MAP3K21: variants seen among roughly 807,000 people sequenced by gnomAD.
MAP3K21 encodes the protein mitogen-activated protein kinase kinase kinase 21.
A neutral mutation model predicts 86.1 loss-of-function variants in MAP3K21; 63 were observed. The ratio of observed to expected loss-of-function variants is 0.73; its 90% CI spans 0.60 to 0.90. The LOEUF (loss-of-function observed/expected upper bound fraction) is 0.90. MAP3K21 is among the 40% of genes least tolerant of loss of function. MAP3K21 has a pLI of 0.00. For synonymous variants in MAP3K21, 558 were observed against 564.8 expected, an observed-to-expected ratio of 0.99 and a Z score of 0.17; for missense variants, 1,220 against 1,367.7, an observed-to-expected ratio of 0.89 and a Z score of 1.70.
chr1:233,328,421 C>T lies in MAP3K21; in HGVS notation c.393C>T (p.Gly131=). The T allele has an allele frequency of 2.0e-6, 3 of 1,493,572 alleles. No individual in the cohort carries two copies. The highest frequency in any genetic ancestry group is 2.9e-5 in the African/African-American group (2 of 69,056). 92.5% of individuals were successfully genotyped at this position (1,493,572 alleles called of 1,614,324 possible). ...FERLELKELI[G]AGGFGQVYRA... Reference sequence around the variant, plus strand: ...GGCTGGAGCTGAAGGAGCTCATCGGCGCTGGGGGCTTCGGGCAGGTGTACC... The same window carrying T: ...GGCTGGAGCTGAAGGAGCTCATCGGTGCTGGGGGCTTCGGGCAGGTGTACC... Residue 131 remains glycine (G), a synonymous_variant, in exon 1 of 10, where the codon GGC becomes GGT. Transcript: ENST00000366624. This position sits in a 1 kb window ranked among gnomAD's most constrained non-coding sequence, Gnocchi z 8.7.
chr1:233,362,448 C>G (rs1255917991), intron 5 of MAP3K21, among the ~76,000 whole-genome samples, 155 bp downstream of exon 5: 5 of 152,066 alleles, frequency 3.3e-5, no homozygotes, highest in African/African-American at 9.7e-5. Flanking sequence ...ATTCATGGTT[C>G]TAATGTAATG....
At chr1:233,342,203 G>C (rs956278552) in intron 1 of MAP3K21, among the ~76,000 whole-genome samples, 2 of 152,304 alleles carry the variant, frequency 1.3e-5, no homozygotes, top group African/African-American at 4.8e-5. Flanking sequence ...GAGATTTCTG[G>C]TTGCTTTGCC....
Position 233,364,418 on chromosome 1 carries a change from ATATT to A in MAP3K21, c.1552+2130_1552+2133del, listed in dbSNP as rs142877174. On this transcript the variant is annotated intron_variant, in intron 5 of 9. Coordinates refer to ENST00000366624, the MANE Select transcript of MAP3K21 (RefSeq NM_032435.3). Reference sequence around the variant, plus strand: ...TGATTTGATTGTGTTATCCAAATTAATATTTATTGTTTCCCTTGGGAAACTTTGG... The same window carrying A: ...TGATTTGATTGTGTTATCCAAATTAATATTGTTTCCCTTGGGAAACTTTGG... Among the ~76,000 whole-genome samples the A allele has an allele frequency of 5.8e-3, 888 of 152,328 alleles. 11 individuals carry two copies. Among genetic ancestry groups the A allele is most frequent in the African/African-American group, 0.021 (859 of 41,564 alleles).
At position 233,356,599 on chromosome 1, in the gene MAP3K21, C is replaced by A. The variant is rs186962779; in HGVS notation, c.1311+1588C>A. On this transcript the variant is annotated intron_variant, in intron 4 of 9. Transcript: ENST00000366624. ...GCTGTTCCACTTCCGCTTACAGATT[C>A]TTCAGAAACTCACACATGTGCCCAA... 5.3e-5 allele frequency among the ~76,000 whole-genome samples: 8 copies of A among 152,278 alleles called. No individual in the cohort carries two copies. In the East Asian group the frequency reaches 1.5e-3, roughly 29 times the overall value.
intron 6 of MAP3K21, chr1:233,372,497 T>G (rs543222666): frequency 5.9e-6 from 2 of 336,224 alleles, no homozygotes; most frequent in Non-Finnish European, 1.1e-5. Flanking sequence ...TGTGTCAGGG[T>G]ACTTTGAAAA....
intron 1 of MAP3K21, among the ~76,000 whole-genome samples, chr1:233,340,116 G>A (rs956276194): frequency 6.6e-6 from 1 of 152,240 alleles, no homozygotes; most frequent in African/African-American, 2.4e-5. Flanking sequence ...GCAAGGTACA[G>A]TCTAAGTGTA....
chr1:233,353,658 C>T (rs541940095), intron 2 of MAP3K21, 149 bp from the exon 3 acceptor site: 28 of 607,762 alleles, frequency 4.6e-5, no homozygotes, highest in Admixed American at 3.1e-4. Flanking sequence ...CCACCTCCCA[C>T]CTTGGGATGT....
intron 1 of MAP3K21, among the ~76,000 whole-genome samples, chr1:233,340,549 C>T (rs1411696803): frequency 1.3e-5 from 2 of 151,412 alleles, no homozygotes; most frequent in South Asian, 4.2e-4. Flanking sequence ...GCTTTACTCC[C>T]TAGGCTGGAT....
chr1:233,361,934 C>T, intron 4 of MAP3K21, 119 bp from the exon 5 acceptor site: 7 of 1,265,868 alleles, frequency 5.5e-6, no homozygotes, highest in Non-Finnish European at 7.5e-6. Flanking sequence ...GAGGGAATTT[C>T]AGCTTCTCCT....
At chr1:233,363,912 G>T (rs1172483812) in intron 5 of MAP3K21, among the ~76,000 whole-genome samples, 1 of 151,732 alleles carries the variant, frequency 6.6e-6, no homozygotes, top group Non-Finnish European at 1.5e-5. Context: ...TACTTGGGAG[G>T]CTGAGGCGGG....
intron 4 of MAP3K21, among the ~76,000 whole-genome samples, chr1:233,357,792 G>A (rs996588642): frequency 1.2e-4 from 19 of 152,202 alleles, no homozygotes; most frequent in Non-Finnish European, 2.9e-5. Context: ...GAAACCAGTT[G>A]CTTGTTATTC....
At chr1:233,339,882 A>G (rs1282149843) in intron 1 of MAP3K21, among the ~76,000 whole-genome samples, 1 of 152,212 alleles carries the variant, frequency 6.6e-6, no homozygotes, top group Non-Finnish European at 1.5e-5. Context: ...ACATGAAAGA[A>G]AAAGCTTATA....
chr1:233,363,395 T>A (rs1292928573), intron 5 of MAP3K21, among the ~76,000 whole-genome samples: 1 of 152,116 alleles, frequency 6.6e-6, no homozygotes, highest in Admixed American at 6.5e-5. Flanking sequence ...CCTCAGTTGA[T>A]CAAAAAATTG....
chr1:233,338,044 A>G (rs1158359958), intron 1 of MAP3K21, among the ~76,000 whole-genome samples: 5 of 152,222 alleles, frequency 3.3e-5, no homozygotes, highest in African/African-American at 1.2e-4. Flanking sequence ...CTGCCTCAGT[A>G]TGCTTTATTA....
intron 1 of MAP3K21, among the ~76,000 whole-genome samples, chr1:233,342,503 T>C (rs971271431): frequency 3.3e-5 from 5 of 152,260 alleles, no homozygotes; most frequent in African/African-American, 1.2e-4. Flanking sequence ...CAAGGAACTA[T>C]GTTAGGCGAT....
chr1:233,376,329 C>G (rs1206354641), intron 7 of MAP3K21, 101 bp from the exon 8 acceptor site: 5 of 871,082 alleles, frequency 5.7e-6, no homozygotes, highest in Non-Finnish European at 3.7e-6. Flanking sequence ...CAAATGTGTT[C>G]TCTTTACTAC....
chr1:233,331,872 G>A (rs1294308), intron 1 of MAP3K21, among the ~76,000 whole-genome samples: 117,452 of 152,172 alleles, frequency 0.77, 45,502 homozygotes, highest in East Asian at 0.93. Context: ...TTTTCTAACA[G>A]GTAGCAACAG....
chr1:233,378,136 C>G (rs1663833643), intron 8 of MAP3K21, among the ~76,000 whole-genome samples: 2 of 152,142 alleles, frequency 1.3e-5, no homozygotes, highest in Non-Finnish European at 2.9e-5. Context: ...GATCATCAAG[C>G]ATGTTTAGGT....
At chr1:233,339,856 A>C (rs1663005071) in intron 1 of MAP3K21, among the ~76,000 whole-genome samples, 1 of 152,062 alleles carries the variant, frequency 6.6e-6, no homozygotes, top group Non-Finnish European at 1.5e-5. Flanking sequence ...ATTTTCTGTA[A>C]TTAGCAGCTG....
Sources: gnomAD v4.1 joint callset for allele counts (sites outside exome capture counted in the v4.1 genomes callset) on GRCh38, gnomAD v4.1.1 for gene constraint, Gnocchi (gnomAD v3.1) non-coding constraint, MANE v1.5 for transcripts, NCBI Gene and HGNC (gene_info 2026-07-23, HGNC 2026-07-21) for gene names.